SYCP2L: variants seen among roughly 807,000 people sequenced by gnomAD.
SYCP2L encodes the protein synaptonemal complex protein 2 like.
In SYCP2L, 98 loss-of-function variants were observed where a neutral mutation model predicts 125.8. The observed-to-expected ratio is 0.78, with a 90% confidence interval of 0.66 to 0.92. The LOEUF (loss-of-function observed/expected upper bound fraction) is 0.92, where lower values mean the gene tolerates loss of function less well. SYCP2L is among the 40% of genes least tolerant of loss of function. The pLI is 0.00. For missense variants in SYCP2L, 842 were observed against 936.4 expected (o/e 0.90, Z 1.32); for synonymous variants, 317 against 325.4 (o/e 0.97, Z 0.28).
At chr6:10,946,753 TATG>T (rs1178098628) in intron 23 of SYCP2L, among the ~76,000 whole-genome samples, 1 of 152,088 alleles carries the variant, frequency 6.6e-6, no homozygotes, top group Non-Finnish European at 1.5e-5. Flanking sequence ...TCAATATATA[TATG>T]ATTTTTTCCA....
At chr6:10,966,148 C>A (rs1367952841) in intron 29 of SYCP2L, among the ~76,000 whole-genome samples, 2 of 152,030 alleles carry the variant, frequency 1.3e-5, no homozygotes, top group African/African-American at 4.8e-5. Flanking sequence ...ATAACAACAA[C>A]AACAACCACA....
intron 29 of SYCP2L, among the ~76,000 whole-genome samples, chr6:10,965,412 G>A (rs1197110576): frequency 6.6e-6 from 1 of 152,186 alleles, no homozygotes; most frequent in Admixed American, 6.5e-5. Context: ...CTCAGGGTGG[G>A]AAGAATATGT....
At chr6:10,926,271 T>C in intron 15 of SYCP2L, 68 bp from the exon 16 acceptor site, 1 of 1,195,098 alleles carries the variant, frequency 8.4e-7, no homozygotes, top group Non-Finnish European at 1.2e-6. Context: ...AAGCTTTACG[T>C]TTTCCTTAAA....
At chr6:10,901,239 T>G (rs1780371756) in intron 6 of SYCP2L, among the ~76,000 whole-genome samples, 1 of 152,226 alleles carries the variant, frequency 6.6e-6, no homozygotes, top group African/African-American at 2.4e-5. Flanking sequence ...TCTTCTTCTT[T>G]GTATATGACA....
intron 29 of SYCP2L, 118 bp downstream of exon 29, chr6:10,963,961 A>ATTTTT (rs149829365): frequency 1.0e-5 from 5 of 478,174 alleles, no homozygotes; most frequent in African/African-American, 2.2e-5. Context: ...GAACTTCTCC[A>ATTTTT]TTTTTTTTTT....
At chr6:10,925,972 G>T (rs1336438049) in intron 15 of SYCP2L, among the ~76,000 whole-genome samples, 1 of 152,182 alleles carries the variant, frequency 6.6e-6, no homozygotes, top group Non-Finnish European at 1.5e-5. Context: ...GAAAGGGGTT[G>T]GACTGAGGAC....
At chr6:10,951,155 G>T (rs1781402679) in intron 23 of SYCP2L, among the ~76,000 whole-genome samples, 1 of 152,016 alleles carries the variant, frequency 6.6e-6, no homozygotes, top group East Asian at 1.9e-4. Flanking sequence ...TGGGCATGGT[G>T]GCTTATGCCT....
intron 29 of SYCP2L, among the ~76,000 whole-genome samples, chr6:10,965,694 G>A (rs1169317697): frequency 6.6e-6 from 1 of 152,210 alleles, no homozygotes; most frequent in East Asian, 1.9e-4. Flanking sequence ...GATAATGTTA[G>A]TGCTGCTCAA....
intron 26 of SYCP2L, 37 bp from the exon 27 acceptor site, chr6:10,961,268 C>T (rs374933481): frequency 2.2e-5 from 34 of 1,534,492 alleles, no homozygotes; most frequent in African/African-American, 2.7e-5. Flanking sequence ...CACATCCAAG[C>T]GATCCCAATG....
intron 17 of SYCP2L, 53 bp downstream of exon 17, chr6:10,927,420 A>T (rs1780916777): frequency 6.8e-7 from 1 of 1,468,776 alleles, no homozygotes; most frequent in African/African-American, 1.4e-5. Context: ...AAATAAAGGG[A>T]CGGACTACAA....
At chr6:10,922,309 A>G (rs1780812119) in intron 14 of SYCP2L, among the ~76,000 whole-genome samples, 1 of 152,162 alleles carries the variant, frequency 6.6e-6, no homozygotes, top group Non-Finnish European at 1.5e-5. Context: ...ATGATTGTCT[A>G]GTAAATTCCG....
rs1045183237 is a variant in SYCP2L, at chr6:10,912,193, A to G, written c.919-480A>G. Among the ~76,000 whole-genome samples, 3 of 152,044 alleles carry G rather than the reference A, an allele frequency of 2.0e-5. No homozygotes were observed. Among genetic ancestry groups the G allele is most frequent in the Non-Finnish European group, 2.9e-5 (2 of 67,998 alleles). On this transcript the variant is annotated intron_variant, in intron 12 of 29. Transcript: ENST00000283141. This position sits in a 1 kb window ranked among gnomAD's most constrained non-coding sequence, Gnocchi z 4.1. ...TCTTTCTTCCCCTGTTTTAACTCTA[A>G]GCATCTATTTATTTTAGAATAATTA...
chr6:10,926,266 T>A, intron 15 of SYCP2L, 73 bp from the exon 16 acceptor site: 1 of 1,114,800 alleles, frequency 9.0e-7, no homozygotes, highest in Non-Finnish European at 1.3e-6. Context: ...GTTCTAAGCT[T>A]TACGTTTTCC....
intron 2 of SYCP2L, among the ~76,000 whole-genome samples, chr6:10,893,281 C>T (rs987017464): frequency 2.6e-5 from 4 of 152,084 alleles, no homozygotes; most frequent in African/African-American, 9.7e-5. Flanking sequence ...TACAGGCGTG[C>T]GCCACTGCAC....
rs187865982 is a variant in SYCP2L, at chr6:10,915,894, G to A, written c.1072+2967G>A. ...CTTGTGGAATAATGTCAGTAGGATT[G>A]GCACCAATTCTTCTCTGACTGTCTG... is the stretch of plus-strand genomic sequence containing the variant. On this transcript the variant is annotated intron_variant, in intron 14 of 29. Transcript: ENST00000283141. Among the ~76,000 whole-genome samples the A allele has an allele frequency of 3.0e-3, 463 of 152,244 alleles. 1 individual carries two copies. The highest frequency in any genetic ancestry group is 4.9e-3 in the Non-Finnish European group (335 of 68,000).
intron 14 of SYCP2L, among the ~76,000 whole-genome samples, chr6:10,923,720 C>T (rs1780845692): frequency 7.9e-6 from 1 of 126,930 alleles, no homozygotes. Flanking sequence ...GTCTAGCTCT[C>T]TCCTCCAGGC....
intron 16 of SYCP2L, 70 bp downstream of exon 16, chr6:10,926,502 G>C: frequency 8.0e-7 from 1 of 1,256,496 alleles, no homozygotes; most frequent in Admixed American, 1.8e-5. Context: ...AGTTGGAAGA[G>C]GTCACTGGAA....
chr6:10,919,907 G>A (rs1015641526), intron 14 of SYCP2L, among the ~76,000 whole-genome samples: 1 of 152,124 alleles, frequency 6.6e-6, no homozygotes, highest in Non-Finnish European at 1.5e-5. Context: ...CCAAAGGGCC[G>A]GTCTCACTCC....
intron 29 of SYCP2L, among the ~76,000 whole-genome samples, chr6:10,972,701 T>G (rs1208828916): frequency 6.6e-6 from 1 of 152,196 alleles, no homozygotes; most frequent in African/African-American, 2.4e-5. Flanking sequence ...TTTATTTATT[T>G]AGTCTATTTT....
Sources: gnomAD v4.1 joint callset for allele counts (sites outside exome capture counted in the v4.1 genomes callset) on GRCh38, gnomAD v4.1.1 for gene constraint, Gnocchi (gnomAD v3.1) non-coding constraint, MANE v1.5 for transcripts, NCBI Gene and HGNC (gene_info 2026-07-23, HGNC 2026-07-21) for gene names.